NRCAM: variants seen among roughly 807,000 people sequenced by gnomAD.
NRCAM encodes neuronal cell adhesion molecule.
NRCAM carries 83 observed loss-of-function variants against 156.5 expected under a neutral mutation model. That is an observed-to-expected ratio of 0.53 (90% confidence interval 0.44 to 0.64). The LOEUF is 0.64. Ranked by LOEUF, NRCAM falls within the 30% of genes least tolerant of loss-of-function variation. NRCAM has a pLI of 0.00. For synonymous variants in NRCAM, 538 were observed against 563.9 expected, an observed-to-expected ratio of 0.95 and a Z score of 0.65; for missense variants, 1,417 against 1,597.3, an observed-to-expected ratio of 0.89 and a Z score of 1.92.
intron 2 of NRCAM, among the ~76,000 whole-genome samples, chr7:108,385,987 G>A (rs1258221599): frequency 6.6e-6 from 1 of 152,102 alleles, no homozygotes; most frequent in Non-Finnish European, 1.5e-5. Flanking sequence ...AGCTGTTTTA[G>A]GTCAGGGTGT....
intron 3 of NRCAM, among the ~76,000 whole-genome samples, chr7:108,259,572 A>T (rs2096812921): frequency 6.6e-6 from 1 of 152,254 alleles, no homozygotes; most frequent in Non-Finnish European, 1.5e-5. Flanking sequence ...TATTCACAAT[A>T]GCAAGGAGAT....
intron 2 of NRCAM, among the ~76,000 whole-genome samples, chr7:108,332,652 C>G (rs2099138454): frequency 1.3e-5 from 2 of 152,154 alleles, no homozygotes. Flanking sequence ...AACAAGAATA[C>G]TAAAACTAAT....
chr7:108,311,073 T>G (rs1276643990), intron 3 of NRCAM, among the ~76,000 whole-genome samples: 3 of 152,130 alleles, frequency 2.0e-5, no homozygotes, highest in Admixed American at 6.6e-5. Context: ...GTTTCCACCT[T>G]AAAAGGGCAC....
intron 2 of NRCAM, among the ~76,000 whole-genome samples, chr7:108,369,273 C>A (rs1034305462): frequency 6.6e-6 from 1 of 151,994 alleles, no homozygotes; most frequent in Non-Finnish European, 1.5e-5. Flanking sequence ...TATCCACCCA[C>A]ATACATTTTG....
intron 3 of NRCAM, among the ~76,000 whole-genome samples, chr7:108,307,964 T>G (rs2098743614): frequency 6.6e-6 from 1 of 152,230 alleles, no homozygotes; most frequent in Admixed American, 6.5e-5. Flanking sequence ...CCTGAACACC[T>G]GAGGCCTTCC....
intron 2 of NRCAM, among the ~76,000 whole-genome samples, chr7:108,314,128 T>TTA (rs1229217191): frequency 1.3e-5 from 2 of 152,174 alleles, no homozygotes; most frequent in Non-Finnish European, 2.9e-5. Context: ...TCATCCTTGC[T>TTA]TATATATATT....
intron 3 of NRCAM, among the ~76,000 whole-genome samples, chr7:108,272,716 A>G (rs1173345540): frequency 1.3e-5 from 2 of 151,962 alleles, no homozygotes; most frequent in Admixed American, 6.6e-5. Context: ...TATCTTTCAA[A>G]AATAAAAATA....
chr7:108,249,056 T>G (rs1468371126), intron 3 of NRCAM, among the ~76,000 whole-genome samples: 4 of 152,188 alleles, frequency 2.6e-5, no homozygotes, highest in Admixed American at 6.5e-5. Flanking sequence ...CATTCTTTTC[T>G]ATAACTTGTG....
chr7:108,285,221 G>A (rs2098043655), intron 3 of NRCAM, among the ~76,000 whole-genome samples: 1 of 152,058 alleles, frequency 6.6e-6, no homozygotes, highest in Non-Finnish European at 1.5e-5. Context: ...ATGCCTGCAA[G>A]AACAACAACA....
intron 3 of NRCAM, among the ~76,000 whole-genome samples, chr7:108,284,756 T>C (rs991239133): frequency 3.3e-5 from 5 of 152,232 alleles, no homozygotes; most frequent in South Asian, 4.1e-4. Flanking sequence ...TTCACTCGCA[T>C]AGACATACAT....
rs2040102593 is a variant in NRCAM at position 108,149,387 on chromosome 7, G to C, written c.*523C>G. 2 of 157,002 alleles carry C rather than the reference G, an allele frequency of 1.3e-5. No homozygotes were observed. Among genetic ancestry groups the C allele is most frequent in the South Asian group, 3.9e-4 (2 of 5,136 alleles). The allele number at this position is 157,002 out of a possible 1,614,324, so 9.7% of individuals were successfully genotyped here. A position where few individuals can be genotyped will look rare whatever the true frequency, so the allele number is the denominator to read the frequency against. On this transcript the variant is annotated 3_prime_UTR_variant, in exon 33 of 33. Coordinates refer to ENST00000379028, the MANE Select transcript of NRCAM (RefSeq NM_001037132.4). ...TATACTGTACAAACTGTTCCTAACA[G>C]TCTCCCAAAAAGACTAACGACAGCT...
chr7:108,213,519 G>A (rs1251305552), intron 11 of NRCAM, among the ~76,000 whole-genome samples: 1 of 152,064 alleles, frequency 6.6e-6, no homozygotes, highest in Non-Finnish European at 1.5e-5. Flanking sequence ...CTGCCTTCAG[G>A]AGACTCACCT....
intron 6 of NRCAM, 95 bp downstream of exon 6, chr7:108,234,488 G>C: frequency 1.3e-6 from 1 of 786,144 alleles, no homozygotes; most frequent in Non-Finnish European, 2.2e-6. Flanking sequence ...TACATAGTCT[G>C]CCTTGTTTGA....
intron 29 of NRCAM, among the ~76,000 whole-genome samples, chr7:108,167,839 G>C (rs1456820142): frequency 6.6e-6 from 1 of 151,972 alleles, no homozygotes; most frequent in East Asian, 1.9e-4. Context: ...AATTTTCTGC[G>C]GTTTCTTATA....
chr7:108,192,434 A>G (rs1472985197), intron 17 of NRCAM, among the ~76,000 whole-genome samples: 3 of 152,110 alleles, frequency 2.0e-5, no homozygotes, highest in Non-Finnish European at 4.4e-5. Flanking sequence ...AATAGAAATA[A>G]AGTGCACAGT....
At chr7:108,255,583 G>A (rs2096597022) in intron 3 of NRCAM, among the ~76,000 whole-genome samples, 1 of 151,884 alleles carries the variant, frequency 6.6e-6, no homozygotes, top group African/African-American at 2.4e-5. Flanking sequence ...CTGCCCGGCC[G>A]CCACCCCGTC....
chr7:108,182,093 C>T (rs561787726), intron 23 of NRCAM, among the ~76,000 whole-genome samples, 156 bp from the exon 24 acceptor site: 4 of 116,300 alleles, frequency 3.4e-5, no homozygotes, highest in African/African-American at 1.2e-4. Context: ...ATCTGTTTGA[C>T]TTTGTGAGAG....
At chr7:108,182,969 C>T (rs1221664154) in intron 22 of NRCAM, 49 bp from the exon 23 acceptor site, 19 of 1,430,270 alleles carry the variant, frequency 1.3e-5, no homozygotes, top group Admixed American at 3.6e-5. Flanking sequence ...ATCAACTGCA[C>T]AATCTTTTAC....
At chr7:108,329,502 C>G (rs1048835931) in intron 2 of NRCAM, among the ~76,000 whole-genome samples, 1 of 152,134 alleles carries the variant, frequency 6.6e-6, no homozygotes, top group Non-Finnish European at 1.5e-5. Context: ...ACTCATTCAC[C>G]AGCTATGATT....
Sources: gnomAD v4.1 joint callset for allele counts (sites outside exome capture counted in the v4.1 genomes callset) on GRCh38, gnomAD v4.1.1 for gene constraint, MANE v1.5 for transcripts, NCBI Gene and HGNC (gene_info 2026-07-23, HGNC 2026-07-21) for gene names.